The following DPP6 variants were observed in gnomAD, a reference collection of about 807,000 sequenced individuals.
DPP6 encodes the protein A-type potassium channel modulatory protein DPP6.
Under a neutral mutation model 122.6 loss-of-function variants are expected in DPP6, and 69 were observed. The ratio of observed to expected loss-of-function variants is 0.56; its 90% CI spans 0.46 to 0.69. The LOEUF (loss-of-function observed/expected upper bound fraction) is 0.69. DPP6 is among the 30% of genes least tolerant of loss of function. DPP6 has a pLI of 0.00. For synonymous variants in DPP6, 418 were observed against 433.1 expected (o/e 0.97, Z 0.43); for missense variants, 928 against 1,116.9 (o/e 0.83, Z 2.41).
chr7:154,173,325 G>A (rs954241106), intron 1 of DPP6, among the ~76,000 whole-genome samples: 1 of 152,160 alleles, frequency 6.6e-6, no homozygotes, highest in Non-Finnish European at 1.5e-5. Context: ...CTATGGACAG[G>A]GTTTTTATTC....
chr7:154,201,381 G>A (rs1247056661), intron 1 of DPP6, among the ~76,000 whole-genome samples: 2 of 152,100 alleles, frequency 1.3e-5, no homozygotes, highest in African/African-American at 2.4e-5. Context: ...CACCCACCTT[G>A]GCCTCCCAAA....
chr7:154,763,047 G>A (rs1795658924), intron 8 of DPP6, among the ~76,000 whole-genome samples: 2 of 152,202 alleles, frequency 1.3e-5, no homozygotes, highest in Admixed American at 1.3e-4. Flanking sequence ...TGGCTCTGCT[G>A]CCAGCTGGGT....
In DPP6 at chr7:154,271,433, A is replaced by G. The variant is rs74198173; in HGVS notation, c.244-174781A>G. On this transcript the variant is annotated intron_variant, in intron 1 of 25. Transcript: ENST00000377770. Reference sequence around the variant, plus strand: ...ACTGTGATTTGCTATTTTCCATCATACAGAGCAAGGACAACCAGAACTGCA... The same window carrying G: ...ACTGTGATTTGCTATTTTCCATCATGCAGAGCAAGGACAACCAGAACTGCA... Among the ~76,000 whole-genome samples, 18 of 152,352 alleles carry G rather than the reference A, an allele frequency of 1.2e-4. No individual in the cohort carries two copies. In the East Asian group the frequency reaches 2.5e-3, roughly 21 times the overall value.
At chr7:154,184,551 ACCT>A (rs1053678375) in intron 1 of DPP6, among the ~76,000 whole-genome samples, 5 of 152,018 alleles carry the variant, frequency 3.3e-5, no homozygotes, top group African/African-American at 1.2e-4. Flanking sequence ...AGGGGCACAC[ACCT>A]CCGACCTCCG....
In DPP6 at chr7:154,282,438, T is replaced by A. The variant is rs1254260461; in HGVS notation, c.244-163776T>A. On this transcript the variant is annotated intron_variant, in intron 1 of 25. Coordinates refer to ENST00000377770, the MANE Select transcript of DPP6 (RefSeq NM_130797.4). This position sits in a 1 kb window ranked among gnomAD's most constrained non-coding sequence, Gnocchi z 4.8. The stretch of plus-strand genomic sequence containing the variant: ...GATTAGCACTGTGCAATGTACTGAT[T>A]GGTACTGTGTAATTTTTAGGACCTC... Among the ~76,000 whole-genome samples, 1 of 152,178 alleles carries A rather than the reference T, an allele frequency of 6.6e-6. No homozygotes were observed. Among genetic ancestry groups the A allele is most frequent in the East Asian group, 1.9e-4 (1 of 5,166 alleles).
chr7:154,885,531 T>G, intron 21 of DPP6, 102 bp from the exon 22 acceptor site: 1 of 1,438,386 alleles, frequency 7.0e-7, no homozygotes, highest in South Asian at 1.4e-5. Context: ...GGAGAGAACC[T>G]GCATGGAACT....
chr7:154,824,666 T>G (rs779692064), intron 16 of DPP6, among the ~76,000 whole-genome samples: 2 of 152,254 alleles, frequency 1.3e-5, no homozygotes, highest in Non-Finnish European at 2.9e-5. Flanking sequence ...ACTTTAGCTA[T>G]GAAGACATAA....
At chr7:154,553,930 G>C (rs1829830673) in intron 4 of DPP6, among the ~76,000 whole-genome samples, 1 of 146,290 alleles carries the variant, frequency 6.8e-6, no homozygotes, top group Non-Finnish European at 1.5e-5. Flanking sequence ...AAAAAGTGCT[G>C]ACACAGCTGA....
chr7:154,388,750 T>G (rs1337510480), intron 1 of DPP6, among the ~76,000 whole-genome samples: 1 of 152,110 alleles, frequency 6.6e-6, no homozygotes, highest in African/African-American at 2.4e-5. Flanking sequence ...GGTGGAGCGT[T>G]GACCAGGCTT....
intron 1 of DPP6, among the ~76,000 whole-genome samples, chr7:153,895,644 G>C (rs1219656211): frequency 1.3e-5 from 2 of 151,286 alleles, no homozygotes; most frequent in Non-Finnish European, 2.9e-5. Context: ...ACAAAATCTA[G>C]AGCATTCATG....
chr7:153,813,914 G>A, the DPP6 span, among the ~76,000 whole-genome samples: 2 of 152,076 alleles, frequency 1.3e-5, no homozygotes, highest in Admixed American at 1.3e-4. Flanking sequence ...TGTAGATTCT[G>A]GATATTAGCC....
intron 1 of DPP6, among the ~76,000 whole-genome samples, chr7:154,401,217 CA>C (rs377017340): frequency 2.8e-5 from 4 of 144,798 alleles, no homozygotes; most frequent in Non-Finnish European, 6.1e-5. Context: ...AAAACAAAAA[CA>C]AAAAAAAAAC....
At chr7:154,773,031 T>C in intron 10 of DPP6, 89 bp downstream of exon 10, 1 of 1,370,378 alleles carries the variant, frequency 7.3e-7, no homozygotes, top group Non-Finnish European at 9.5e-7. Flanking sequence ...CAGATTTATC[T>C]TACAACAAGT....
At chr7:153,838,594 T>C in the DPP6 span, among the ~76,000 whole-genome samples, 1 of 152,172 alleles carries the variant, frequency 6.6e-6, no homozygotes, top group Admixed American at 6.5e-5. Context: ...GTGAGAATCA[T>C]TGAGAGGTTC....
chr7:154,439,432 C>G (rs1819175792), intron 1 of DPP6, among the ~76,000 whole-genome samples: 1 of 152,160 alleles, frequency 6.6e-6, no homozygotes, highest in African/African-American at 2.4e-5. Flanking sequence ...GATCAGGTCA[C>G]AGTGCTGCTG....
chr7:154,098,049 T>C (rs1327629040), intron 1 of DPP6, among the ~76,000 whole-genome samples: 1 of 152,194 alleles, frequency 6.6e-6, no homozygotes, highest in African/African-American at 2.4e-5. Context: ...GGTATTGATA[T>C]GGTTCTGCTG....
intron 1 of DPP6, among the ~76,000 whole-genome samples, chr7:154,212,101 T>C (rs2150810179): frequency 6.6e-6 from 1 of 152,206 alleles, no homozygotes; most frequent in East Asian, 1.9e-4. Flanking sequence ...ATCACATGGC[T>C]CATCAGTGCT....
At chr7:154,279,185 A>G (rs2150947208) in intron 1 of DPP6, among the ~76,000 whole-genome samples, 1 of 152,000 alleles carries the variant, frequency 6.6e-6, no homozygotes, top group East Asian at 1.9e-4. Flanking sequence ...GCATATGTAT[A>G]TGGACATGTG....
intron 1 of DPP6, among the ~76,000 whole-genome samples, chr7:154,304,565 G>GT (rs112016529): frequency 0.043 from 6,399 of 149,476 alleles, 341 homozygotes; most frequent in East Asian, 0.12. Context: ...AGGCTGGAAT[G>GT]TTTTTTTTTT....
Sources: gnomAD v4.1 joint callset for allele counts (sites outside exome capture counted in the v4.1 genomes callset) on GRCh38, gnomAD v4.1.1 for gene constraint, Gnocchi (gnomAD v3.1) non-coding constraint, MANE v1.5 for transcripts, NCBI Gene and HGNC (gene_info 2026-07-23, HGNC 2026-07-21) for gene names.